DENND3: variants seen among roughly 807,000 people sequenced by gnomAD.
DENND3 encodes DENN domain containing 3.
DENND3 carries 88 observed loss-of-function variants against 135.1 expected under a neutral mutation model. That is an observed-to-expected ratio of 0.65 (90% CI 0.55 to 0.78). DENND3 has a LOEUF of 0.78. DENND3 is among the 30% of genes least tolerant of loss of function. DENND3 has a pLI of 0.00. For synonymous variants in DENND3, 693 were observed against 712.3 expected (o/e 0.97, Z 0.43); for missense variants, 1,392 against 1,688.4 (o/e 0.82, Z 3.08).
chr8:141,128,651 G>T lies in DENND3; in HGVS notation c.-57G>T. 1 of 1,177,598 alleles carries T rather than the reference G, an allele frequency of 8.5e-7. No individual in the cohort carries two copies. The highest frequency in any genetic ancestry group is 1.1e-6 in the Non-Finnish European group (1 of 923,924). The allele number at this position is 1,177,598 out of a possible 1,614,324, so 72.9% of individuals were successfully genotyped here. A position where few individuals can be genotyped will look rare whatever the true frequency, so the allele number is the denominator to read the frequency against. On this transcript the variant is annotated 5_prime_UTR_variant, in exon 1 of 23. Coordinates refer to ENST00000519811, the MANE Select transcript of DENND3 (RefSeq NM_001352890.3). The surrounding 1 kb of genome is among the most constrained non-coding windows in gnomAD (Gnocchi z 4.5). Reference sequence around the variant, plus strand: ...CGCGGCTGGTCCCCAGGGGTCTGCGGGCGACTGCGCGGCTGAGGCGCCCGA... The same window carrying T: ...CGCGGCTGGTCCCCAGGGGTCTGCGTGCGACTGCGCGGCTGAGGCGCCCGA...
Position 141,158,984 on chromosome 8 carries a change from C to T in DENND3, c.1197-1648C>T, listed in dbSNP as rs376786445. ...GCCCTTTTTACATGAGGAAAGTCATCAAAATTTCTTTCCCTGGCATTCTGC... is the reference window on the plus strand; with the variant it reads ...GCCCTTTTTACATGAGGAAAGTCATTAAAATTTCTTTCCCTGGCATTCTGC... On this transcript the variant is annotated intron_variant, in intron 8 of 22. Transcript: ENST00000519811. Among the ~76,000 whole-genome samples, 60 of 152,364 alleles carry T rather than the reference C, an allele frequency of 3.9e-4. No individual in the cohort carries two copies. The East Asian group carries it at 6.7e-3, about 17-fold the overall frequency.
rs1327002458 is a variant in DENND3, at chr8:141,146,020, TG to T, written c.735+1762del. On this transcript the variant is annotated intron_variant, in intron 5 of 22. Coordinates refer to ENST00000519811, the MANE Select transcript of DENND3 (RefSeq NM_001352890.3). This position sits in a 1 kb window ranked among gnomAD's most constrained non-coding sequence, Gnocchi z 4.3. ...CGTGCCACCACGCTGGCTAATTTTT[TG>T]TATTTTTAGTAGAGATGGGGTTTCA... is the stretch of plus-strand genomic sequence containing the variant. Among the ~76,000 whole-genome samples the T allele has an allele frequency of 7.3e-5, 11 of 151,582 alleles. 1 individual carries two copies. The highest frequency in any genetic ancestry group is 3.3e-4 in the Admixed American group (5 of 15,202).
At position 141,130,824 on chromosome 8, in the gene DENND3, T is replaced by C. The variant is rs577493354; in HGVS notation, c.102+2015T>C. 6.8e-4 allele frequency among the ~76,000 whole-genome samples: 104 copies of C among 152,120 alleles called. 1 individual carries two copies. The highest frequency in any genetic ancestry group is 5.4e-3 in the Admixed American group (82 of 15,278). ...GCCTCAGCCTCCTAAGTAGCTGGGA[T>C]TACAGGCGTGTGCCACCATGCCCAG... is the stretch of plus-strand genomic sequence containing the variant. On this transcript the variant is annotated intron_variant, in intron 1 of 22. Transcript: ENST00000519811. This position sits in a 1 kb window ranked among gnomAD's most constrained non-coding sequence, Gnocchi z 4.2.
At position 141,146,093 on chromosome 8, in the gene DENND3, C is replaced by T. The variant is rs1050134405; in HGVS notation, c.735+1834C>T. 5.9e-5 allele frequency among the ~76,000 whole-genome samples: 9 copies of T among 152,016 alleles called. No individual in the cohort carries two copies. Among genetic ancestry groups the T allele is most frequent in the African/African-American group, 1.7e-4 (7 of 41,396 alleles). On this transcript the variant is annotated intron_variant, in intron 5 of 22. Transcript: ENST00000519811. The surrounding 1 kb of genome is among the most constrained non-coding windows in gnomAD (Gnocchi z 4.3). ...CGATCTCCTGACCTCGTGATCTCCC[C>T]GCCTCGGCCTCCCGAAGTGCTGGGA...
At chr8:141,170,238 A>C (rs1216687931) in intron 13 of DENND3, among the ~76,000 whole-genome samples, 1 of 152,048 alleles carries the variant, frequency 6.6e-6, no homozygotes, top group African/African-American at 2.4e-5. Flanking sequence ...CCTTGGGAAA[A>C]GCTGTCCTGG....
Position 141,194,523 on chromosome 8 carries a change from C to T in DENND3, c.*290C>T, listed in dbSNP as rs762604829. On this transcript the variant is annotated 3_prime_UTR_variant, in exon 23 of 23. Coordinates refer to ENST00000519811, the MANE Select transcript of DENND3 (RefSeq NM_001352890.3). ...CTCTGCTGGGAGGTTACTTTGTTGCCTAGAAAGTTCTGGAATCCACAACCA... is the reference window on the plus strand; with the variant it reads ...CTCTGCTGGGAGGTTACTTTGTTGCTTAGAAAGTTCTGGAATCCACAACCA... The T allele has an allele frequency of 2.5e-6, 1 of 399,204 alleles. No individual in the cohort carries two copies. Among genetic ancestry groups the T allele is most frequent in the Non-Finnish European group, 4.6e-6 (1 of 216,164 alleles). 24.7% of individuals were successfully genotyped at this position (399,204 alleles called of 1,614,324 possible).
In DENND3 at chr8:141,128,836, C is replaced by A. The variant is rs373452499; in HGVS notation, c.102+27C>A. ...TGAGGGGCGGGGAAACTGAGGCGGA[C>A]GTGGGCCACGAGTCGGCAGCCGGGA... On this transcript the variant is annotated intron_variant, in intron 1 of 22. Coordinates refer to ENST00000519811, the MANE Select transcript of DENND3 (RefSeq NM_001352890.3). The surrounding 1 kb of genome is among the most constrained non-coding windows in gnomAD (Gnocchi z 4.5). The A allele has an allele frequency of 7.4e-7, 1 of 1,356,148 alleles. No homozygotes were observed. The highest frequency in any genetic ancestry group is 9.6e-7 in the Non-Finnish European group (1 of 1,044,986). The allele number at this position is 1,356,148 out of a possible 1,614,324, so 84.0% of individuals were successfully genotyped here.
chr8:141,185,577 C>A (rs962801141), intron 18 of DENND3: 5 of 253,594 alleles, frequency 2.0e-5, no homozygotes, highest in Non-Finnish European at 3.9e-5. Context: ...CTAATCTCAG[C>A]ACTTTGGGAG....
chr8:141,147,322 G>T (rs939273139), intron 5 of DENND3, among the ~76,000 whole-genome samples: 1 of 152,156 alleles, frequency 6.6e-6, no homozygotes, highest in African/African-American at 2.4e-5. Context: ...TTAACATGTG[G>T]ATATTGGGCT....
At chr8:141,136,879 AGTGAC>A in intron 2 of DENND3, 88 bp downstream of exon 2, 1 of 1,411,442 alleles carries the variant, frequency 7.1e-7, no homozygotes, top group Non-Finnish European at 9.3e-7. Flanking sequence ...GGCAGAGGGA[AGTGAC>A]GTGAGCGGCA....
chr8:141,170,015 G>T (rs907605954), intron 13 of DENND3, among the ~76,000 whole-genome samples: 1 of 152,230 alleles, frequency 6.6e-6, no homozygotes, highest in Non-Finnish European at 1.5e-5. Context: ...CTTGGCGGGG[G>T]CCGCGCCTCC....
Position 141,141,382 on chromosome 8 carries a change from G to A in DENND3, c.623+58G>A. ...GGGGGCAGCTCTTTGTGCCTCTCCA[G>A]GTGAGCCAAGGGACCAGGGGGCTGG... On this transcript the variant is annotated intron_variant, in intron 4 of 22. Transcript: ENST00000519811. The surrounding 1 kb of genome is among the most constrained non-coding windows in gnomAD (Gnocchi z 5.3). 1 of 1,596,588 alleles carries A rather than the reference G, an allele frequency of 6.3e-7. No homozygotes were observed. The highest frequency in any genetic ancestry group is 1.1e-5 in the South Asian group (1 of 90,264).
intron 10 of DENND3, among the ~76,000 whole-genome samples, chr8:141,164,503 G>A (rs1207892734): frequency 6.6e-6 from 1 of 152,202 alleles, no homozygotes; most frequent in Non-Finnish European, 1.5e-5. Context: ...GGTGTCTCCT[G>A]AATGGCTGAG....
chr8:141,164,260 C>T (rs1258561344), intron 10 of DENND3, among the ~76,000 whole-genome samples: 1 of 152,238 alleles, frequency 6.6e-6, no homozygotes, highest in African/African-American at 2.4e-5. Flanking sequence ...GGACAGAGTG[C>T]GCTTTGTTCT....
chr8:141,168,224 G>A lies in DENND3; in HGVS notation c.1974G>A (p.Leu658=). ...AGGGACAGCTGCTGAACGCCCTCTTGGACTTCCAGAATCTGTATAAAACAG... is the reference window on the plus strand; with the variant it reads ...AGGGACAGCTGCTGAACGCCCTCTTAGACTTCCAGAATCTGTATAAAACAG... ...LMQGQLLNAL[L]DFQNLYKTDI... is the part of the protein sequence containing the mutation. Residue 658 remains leucine, a synonymous_variant, in exon 13 of 23, where the codon TTG becomes TTA. Transcript: ENST00000519811. The surrounding 1 kb of genome is among the most constrained non-coding windows in gnomAD (Gnocchi z 6.2). 1 of 1,614,096 alleles carries A rather than the reference G, an allele frequency of 6.2e-7. No homozygotes were observed. Among genetic ancestry groups the A allele is most frequent in the Non-Finnish European group, 8.5e-7 (1 of 1,180,020 alleles).
rs1822162593 is a variant in DENND3, at chr8:141,175,142, TG to T, written c.2276-54del. ...TTTCTTCAGGTCATGGAGAAGCCCT[TG>T]GGGCTCCCGAGGTATGTGGCTGTAA... is the stretch of plus-strand genomic sequence containing the variant. On this transcript the variant is annotated intron_variant, in intron 13 of 22. Coordinates refer to ENST00000519811, the MANE Select transcript of DENND3 (RefSeq NM_001352890.3). This position sits in a 1 kb window ranked among gnomAD's most constrained non-coding sequence, Gnocchi z 5.4. The T allele has an allele frequency of 8.4e-6, 13 of 1,551,504 alleles. No homozygotes were observed. The Admixed American group carries it at 1.5e-4, about 18-fold the overall frequency.
Position 141,193,939 on chromosome 8 carries a change from G to C in DENND3, c.3637-94G>C, listed in dbSNP as rs562693703. On this transcript the variant is annotated intron_variant, in intron 22 of 22. Coordinates refer to ENST00000519811, the MANE Select transcript of DENND3 (RefSeq NM_001352890.3). ...TGTCCAGGAAGGACATAGATTTGGA[G>C]GCACACGCGTCAATTCTGGGTAGCC... is the stretch of plus-strand genomic sequence containing the variant. 4.4e-6 allele frequency: 6 copies of C among 1,356,808 alleles called. No homozygotes were observed. The South Asian group carries it at 6.4e-5, about 15-fold the overall frequency. The allele number at this position is 1,356,808 out of a possible 1,614,324, so 84.0% of individuals were successfully genotyped here. A position where few individuals can be genotyped will look rare whatever the true frequency, so the allele number is the denominator to read the frequency against.
chr8:141,179,451 C>G (rs1249863465), intron 16 of DENND3, among the ~76,000 whole-genome samples: 1 of 152,268 alleles, frequency 6.6e-6, no homozygotes, highest in African/African-American at 2.4e-5. Context: ...AGCCGCCATG[C>G]TGGTGTCACT....
At position 141,195,685 on chromosome 8, in the gene DENND3, C is replaced by T. The variant is rs1274194213; in HGVS notation, c.*1452C>T. Reference sequence around the variant, plus strand: ...AGGTTGGATTTTGCTTTTGTAAACACATGAATCCTTATGATAAAAGTCTGT... The same window carrying T: ...AGGTTGGATTTTGCTTTTGTAAACATATGAATCCTTATGATAAAAGTCTGT... On this transcript the variant is annotated 3_prime_UTR_variant, in exon 23 of 23. Coordinates refer to ENST00000519811, the MANE Select transcript of DENND3 (RefSeq NM_001352890.3). 6.6e-6 allele frequency: 1 copy of T among 152,226 alleles called. No individual in the cohort carries two copies. Among genetic ancestry groups the T allele is most frequent in the East Asian group, 1.9e-4 (1 of 5,200 alleles). 9.4% of individuals were successfully genotyped at this position (152,226 alleles called of 1,614,324 possible).
Sources: gnomAD v4.1 joint callset for allele counts (sites outside exome capture counted in the v4.1 genomes callset) on GRCh38, gnomAD v4.1.1 for gene constraint, Gnocchi (gnomAD v3.1) non-coding constraint, MANE v1.5 for transcripts, NCBI Gene and HGNC (gene_info 2026-07-23, HGNC 2026-07-21) for gene names.